The following ADAMTS12 variants were observed in gnomAD, a reference collection of about 807,000 sequenced individuals.
ADAMTS12 encodes A disintegrin and metalloproteinase with thrombospondin motifs 12.
Under a neutral mutation model 167.8 loss-of-function variants are expected in ADAMTS12, and 118 were observed. The ratio of observed to expected loss-of-function variants is 0.70; its 90% CI spans 0.61 to 0.82. The LOEUF (loss-of-function observed/expected upper bound fraction) is 0.82. Among genes scored for constraint, ADAMTS12 ranks in the 40% least tolerant of loss-of-function variants. ADAMTS12 has a pLI of 0.00. For missense variants in ADAMTS12, 1,916 were observed against 1,998.8 expected (o/e 0.96, Z 0.79); for synonymous variants, 704 against 716.9 (o/e 0.98, Z 0.29).
At chr5:33,619,737 C>T (rs1216828122) in intron 14 of ADAMTS12, among the ~76,000 whole-genome samples, 3 of 152,014 alleles carry the variant, frequency 2.0e-5, no homozygotes, top group Non-Finnish European at 4.4e-5. Flanking sequence ...GCTCTGTCAC[C>T]AGGCTGGAGT....
intron 2 of ADAMTS12, among the ~76,000 whole-genome samples, chr5:33,850,033 T>C (rs1304656550): frequency 6.6e-6 from 1 of 152,140 alleles, no homozygotes; most frequent in African/African-American, 2.4e-5. Flanking sequence ...ACTTATTACC[T>C]GCTAAACGTA....
rs1746295853 is a variant in ADAMTS12 at position 33,570,811 on chromosome 5, A to G, written c.3972+5243T>C. ...AAAGACACAGACTGGCAAATTGGAT[A>G]AAGAGTCAAGACCCATCAGTGTGCT... On this transcript the variant is annotated intron_variant, in intron 19 of 23. Coordinates refer to ENST00000504830, the MANE Select transcript of ADAMTS12 (RefSeq NM_030955.4). Among the ~76,000 whole-genome samples the G allele has an allele frequency of 2.0e-5, 3 of 151,036 alleles. No homozygotes were observed. In the South Asian group the frequency reaches 6.4e-4, roughly 32 times the overall value.
At chr5:33,679,031 A>G (rs1742017172) in intron 5 of ADAMTS12, among the ~76,000 whole-genome samples, 1 of 152,188 alleles carries the variant, frequency 6.6e-6, no homozygotes, top group Non-Finnish European at 1.5e-5. Context: ...AAGGATGATA[A>G]TGTCATGTGC....
At chr5:33,638,113 C>T (rs1218750949) in intron 11 of ADAMTS12, among the ~76,000 whole-genome samples, 3 of 152,158 alleles carry the variant, frequency 2.0e-5, no homozygotes, top group Non-Finnish European at 4.4e-5. Flanking sequence ...TTGGATCCCA[C>T]AGTCAATCAG....
chr5:33,631,026 C>T, intron 12 of ADAMTS12, 113 bp from the exon 13 acceptor site: 2 of 1,257,078 alleles, frequency 1.6e-6, no homozygotes, highest in Non-Finnish European at 2.2e-6. Flanking sequence ...GGCAATCCCA[C>T]CTTTTCACCT....
chr5:33,646,661 A>G (rs1740678520), intron 9 of ADAMTS12, among the ~76,000 whole-genome samples: 1 of 152,212 alleles, frequency 6.6e-6, no homozygotes, highest in Non-Finnish European at 1.5e-5. Context: ...CCTAAAGGAA[A>G]ACCTGACATA....
chr5:33,772,124 T>C (rs1281808720), intron 2 of ADAMTS12, among the ~76,000 whole-genome samples: 1 of 152,156 alleles, frequency 6.6e-6, no homozygotes, highest in Non-Finnish European at 1.5e-5. Flanking sequence ...CCCAAGGTGC[T>C]GGGATTACAG....
chr5:33,789,200 A>AG (rs2112454057), intron 2 of ADAMTS12, among the ~76,000 whole-genome samples: 1 of 152,354 alleles, frequency 6.6e-6, no homozygotes, highest in South Asian at 2.1e-4. Flanking sequence ...CTCAGCAAGG[A>AG]GAGAGCCTGA....
chr5:33,726,498 C>T (rs1340267770), intron 3 of ADAMTS12, among the ~76,000 whole-genome samples: 1 of 152,152 alleles, frequency 6.6e-6, no homozygotes, highest in East Asian at 1.9e-4. Flanking sequence ...CAGCCCTCAC[C>T]CAGAACAGAT....
At chr5:33,675,196 G>A (rs1741857134) in intron 5 of ADAMTS12, among the ~76,000 whole-genome samples, 1 of 152,188 alleles carries the variant, frequency 6.6e-6, no homozygotes, top group Non-Finnish European at 1.5e-5. Flanking sequence ...AGCAGCAGAT[G>A]ATGGACTAAA....
intron 3 of ADAMTS12, among the ~76,000 whole-genome samples, chr5:33,727,707 C>G (rs1744035849): frequency 6.6e-6 from 1 of 152,172 alleles, no homozygotes; most frequent in Non-Finnish European, 1.5e-5. Flanking sequence ...CACACTCTTT[C>G]TTAGATTTTG....
At chr5:33,570,663 CG>C (rs1746283547) in intron 19 of ADAMTS12, among the ~76,000 whole-genome samples, 1 of 152,058 alleles carries the variant, frequency 6.6e-6, no homozygotes, top group Non-Finnish European at 1.5e-5. Context: ...TAAAGACCAT[CG>C]AGATTAGGAA....
chr5:33,549,353 T>C lies in ADAMTS12; in HGVS notation c.4156A>G (p.Ile1386Val). The C allele has an allele frequency of 1.9e-6, 3 of 1,613,988 alleles. No individual in the cohort carries two copies. The highest frequency in any genetic ancestry group is 3.3e-5 in the Admixed American group (2 of 60,020). Residue 1386 changes from isoleucine (I) to valine (V), a missense_variant, in exon 21 of 24, where the codon ATA (isoleucine) becomes GTA (valine). Physicochemically the swap from Ile to Val is conservative, Grantham distance 29 (BLOSUM62 3). Coordinates refer to ENST00000504830, the MANE Select transcript of ADAMTS12 (RefSeq NM_030955.4). ...CTGTCCACGCACTGAATCTCGCGTATCTTGAAGCCCCCACTGCAGTTTCTG... is the reference window on the plus strand; with the variant it reads ...CTGTCCACGCACTGAATCTCGCGTACCTTGAAGCCCCCACTGCAGTTTCTG... ...CSRNCSGGFK[I>V]REIQCVDSRD...
At chr5:33,682,442 T>C (rs183485266) in intron 5 of ADAMTS12, among the ~76,000 whole-genome samples, 2 of 152,280 alleles carry the variant, frequency 1.3e-5, no homozygotes, top group East Asian at 1.9e-4. Flanking sequence ...GACGTATCAA[T>C]TGAGGGTCTC....
chr5:33,651,847 C>T (rs1195183584), intron 7 of ADAMTS12, among the ~76,000 whole-genome samples: 1 of 152,128 alleles, frequency 6.6e-6, no homozygotes, highest in Non-Finnish European at 1.5e-5. Context: ...CTCTGTATGT[C>T]TATACATACT....
At chr5:33,720,981 C>T (rs530424585) in intron 3 of ADAMTS12, among the ~76,000 whole-genome samples, 27 of 152,216 alleles carry the variant, frequency 1.8e-4, no homozygotes, top group African/African-American at 6.5e-4. Context: ...TATCCACTGC[C>T]CAACAACAGT....
chr5:33,675,353 T>C (rs1741865367), intron 5 of ADAMTS12, among the ~76,000 whole-genome samples: 1 of 152,152 alleles, frequency 6.6e-6, no homozygotes, highest in Admixed American at 6.5e-5. Flanking sequence ...GCAGGGCTGT[T>C]GGGGAAGGAG....
chr5:33,728,066 C>G (rs112485707), intron 3 of ADAMTS12, among the ~76,000 whole-genome samples: 2 of 152,174 alleles, frequency 1.3e-5, no homozygotes, highest in Non-Finnish European at 2.9e-5. Flanking sequence ...AAAATTGGCT[C>G]ATACCCTGGA....
chr5:33,529,897 C>T (rs2111727402), intron 23 of ADAMTS12, among the ~76,000 whole-genome samples: 1 of 152,294 alleles, frequency 6.6e-6, no homozygotes, highest in East Asian at 1.9e-4. Context: ...AATTGCCTGA[C>T]ACCCTTGGGA....
Sources: allele counts gnomAD v4.1 joint callset (sites outside exome capture counted in the v4.1 genomes callset), GRCh38; gene constraint gnomAD v4.1.1; transcripts MANE v1.5; gene names NCBI Gene and HGNC (gene_info 2026-07-23, HGNC 2026-07-21).